CD96: variants seen among roughly 807,000 people sequenced by gnomAD.
CD96 encodes the protein T-cell surface protein tactile.
Under a neutral mutation model 71.3 loss-of-function variants are expected in CD96, and 70 were observed. The ratio of observed to expected loss-of-function variants is 0.98; its 90% CI spans 0.81 to 1.20. The LOEUF (loss-of-function observed/expected upper bound fraction) is 1.20. Among genes scored for constraint, CD96 ranks in the 50% most tolerant of loss-of-function variants. The pLI, the probability that CD96 is intolerant of heterozygous loss-of-function variation, is 0.00. For synonymous variants in CD96, 248 were observed against 233.0 expected (o/e 1.06, Z -0.59); for missense variants, 742 against 677.5 (o/e 1.10, Z -1.06).
intron 8 of CD96, among the ~76,000 whole-genome samples, chr3:111,610,680 C>T (rs1937877166): frequency 6.6e-6 from 1 of 152,132 alleles, no homozygotes; most frequent in Non-Finnish European, 1.5e-5. Flanking sequence ...ATTCTCAGCG[C>T]AGTTCAAGGA....
intron 5 of CD96, among the ~76,000 whole-genome samples, chr3:111,596,244 GA>G (rs1179763393): frequency 6.6e-6 from 1 of 151,692 alleles, no homozygotes; most frequent in African/African-American, 2.4e-5. Flanking sequence ...AAAATATGTA[GA>G]GGTTGACAGT....
chr3:111,584,723 G>A (rs551485199), intron 4 of CD96, among the ~76,000 whole-genome samples: 11 of 152,164 alleles, frequency 7.2e-5, no homozygotes, highest in Non-Finnish European at 1.5e-4. Flanking sequence ...ACCAGCCCCC[G>A]TGATTCAATT....
intron 2 of CD96, among the ~76,000 whole-genome samples, chr3:111,547,777 G>A (rs1381028188): frequency 1.3e-5 from 2 of 152,136 alleles, no homozygotes; most frequent in Non-Finnish European, 1.5e-5. Flanking sequence ...CAGATGAAAA[G>A]CAATGGCCTC....
At chr3:111,618,221 C>T (rs759188620) in intron 8 of CD96, among the ~76,000 whole-genome samples, 8 of 152,180 alleles carry the variant, frequency 5.3e-5, no homozygotes, top group Non-Finnish European at 8.8e-5. Flanking sequence ...GCCTGCCAAA[C>T]CAAGTGGGTG....
At chr3:111,657,511 G>A (rs898315023) in intron 14 of CD96, among the ~76,000 whole-genome samples, 1 of 151,124 alleles carries the variant, frequency 6.6e-6, no homozygotes, top group African/African-American at 2.4e-5. Flanking sequence ...GGTGGGGGTG[G>A]TGGGAACAAG....
intron 8 of CD96, 26 bp downstream of exon 8, chr3:111,606,818 T>C (rs372188715): frequency 1.6e-6 from 2 of 1,239,924 alleles, no homozygotes; most frequent in Non-Finnish European, 2.4e-6. Context: ...CACTGAGCTA[T>C]TGATTTAACC....
Position 111,648,341 on chromosome 3 carries a change from T to A in CD96, c.1601+675T>A, listed in dbSNP as rs190113568. On this transcript the variant is annotated intron_variant, in intron 13 of 13. Transcript: ENST00000352690. ...ACTGATCTTCCACTTGTCTTACTAC[T>A]ACTCTAAGATAACATTAACCATTGT... is the stretch of plus-strand genomic sequence containing the variant. Among the ~76,000 whole-genome samples the A allele has an allele frequency of 2.0e-5, 3 of 152,340 alleles. No individual in the cohort carries two copies. The East Asian group carries it at 5.8e-4, about 29-fold the overall frequency.
At chr3:111,638,014 T>A in intron 11 of CD96, 65 bp from the exon 12 acceptor site, 1 of 878,188 alleles carries the variant, frequency 1.1e-6, no homozygotes, top group Non-Finnish European at 2.0e-6. Context: ...TGAAACCCAA[T>A]CATGGTTTTA....
chr3:111,562,133 A>T (rs187079207), intron 2 of CD96, among the ~76,000 whole-genome samples: 1 of 152,290 alleles, frequency 6.6e-6, no homozygotes, highest in Non-Finnish European at 1.5e-5. Flanking sequence ...AGATGAACCC[A>T]GTACCTCAGA....
At position 111,603,312 on chromosome 3, in the gene CD96, C is replaced by T. The variant is rs1345039772; in HGVS notation, c.1087+2398C>T. On this transcript the variant is annotated intron_variant, in intron 7 of 13. Coordinates refer to ENST00000352690, the MANE Select transcript of CD96 (RefSeq NM_005816.5). ...TCAAAAAATCAGCCGGGCATGGTGGCGCACATCATTAGTCCCTGTTACCTC... is the reference window on the plus strand; with the variant it reads ...TCAAAAAATCAGCCGGGCATGGTGGTGCACATCATTAGTCCCTGTTACCTC... 3.9e-5 allele frequency among the ~76,000 whole-genome samples: 6 copies of T among 151,936 alleles called. No individual in the cohort carries two copies. In the East Asian group the frequency reaches 5.8e-4, roughly 15 times the overall value.
chr3:111,574,054 T>G (rs933543741), intron 3 of CD96, among the ~76,000 whole-genome samples: 1 of 152,048 alleles, frequency 6.6e-6, no homozygotes, highest in Non-Finnish European at 1.5e-5. Context: ...ATGGAGGAAA[T>G]GTGAAGATAA....
At chr3:111,646,866 C>T (rs1037350452) in intron 12 of CD96, among the ~76,000 whole-genome samples, 3 of 151,908 alleles carry the variant, frequency 2.0e-5, no homozygotes, top group South Asian at 4.2e-4. Context: ...ACATATACAC[C>T]ATGGAATACT....
At chr3:111,647,088 T>C (rs1461984542) in intron 12 of CD96, among the ~76,000 whole-genome samples, 1 of 98,942 alleles carries the variant, frequency 1.0e-5, no homozygotes, top group African/African-American at 3.6e-5. Flanking sequence ...GGGTAAAGAT[T>C]AAAAAAAAAA....
At chr3:111,663,265 C>T (rs935959820) in intron 14 of CD96, among the ~76,000 whole-genome samples, 13 of 152,136 alleles carry the variant, frequency 8.5e-5, no homozygotes, top group East Asian at 3.9e-4. Flanking sequence ...TCTGCCCCCA[C>T]GATTCAAGCA....
chr3:111,567,391 CCTCT>C, intron 2 of CD96, 128 bp from the exon 3 acceptor site: 1 of 705,350 alleles, frequency 1.4e-6, no homozygotes, highest in East Asian at 2.7e-5. Context: ...TGGGAGTTTG[CCTCT>C]CTTTTTCATA....
chr3:111,555,771 G>C (rs1934977948), intron 2 of CD96, among the ~76,000 whole-genome samples: 1 of 152,286 alleles, frequency 6.6e-6, no homozygotes, highest in Non-Finnish European at 1.5e-5. Flanking sequence ...AAAGTTCTTG[G>C]ATGTGTAGAT....
chr3:111,605,582 C>A (rs116689764), intron 7 of CD96, among the ~76,000 whole-genome samples: 3,398 of 152,250 alleles, frequency 0.022, 76 homozygotes, highest in Middle Eastern at 0.061. Flanking sequence ...ATATACTTCC[C>A]ATATAACCGT....
rs1281687378 is a variant in CD96, at chr3:111,623,674, C to T, written c.1181-80C>T. 4.7e-6 allele frequency: 4 copies of T among 859,316 alleles called. No individual in the cohort carries two copies. The East Asian group carries it at 1.0e-4, about 22-fold the overall frequency. 53.2% of individuals were successfully genotyped at this position (859,316 alleles called of 1,614,324 possible). A position where few individuals can be genotyped will look rare whatever the true frequency, so the allele number is the denominator to read the frequency against. On this transcript the variant is annotated intron_variant, in intron 8 of 13. Transcript: ENST00000352690. ...TTCTTTCCAACTCTAATATTCCAGGCTCTTGTTAAATGTAGTGGCACAGTT... is the reference window on the plus strand; with the variant it reads ...TTCTTTCCAACTCTAATATTCCAGGTTCTTGTTAAATGTAGTGGCACAGTT...
rs1936351238 is a variant in CD96 at position 111,579,114 on chromosome 3, A to G, written c.631A>G (p.Thr211Ala). Residue 211 changes from threonine (T) to alanine (A), a missense_variant, in exon 4 of 14, where the codon ACA (threonine) becomes GCA (alanine). By Grantham distance (58) the Thr-to-Ala change is moderately conservative (BLOSUM62 0). Transcript: ENST00000352690. ...TLLKDRVKLG[T>A]DYRLHLSPVQ... ...ACTTAAAGATAGAGTCAAGCTTGGT[A>G]CAGACTACAGACTCCACCTCTCTCC... 6.3e-7 allele frequency: 1 copy of G among 1,592,986 alleles called. No homozygotes were observed. Among genetic ancestry groups the G allele is most frequent in the South Asian group, 1.1e-5 (1 of 90,630 alleles).
Sources: allele counts gnomAD v4.1 joint callset (sites outside exome capture counted in the v4.1 genomes callset), GRCh38; gene constraint gnomAD v4.1.1; transcripts MANE v1.5; gene names NCBI Gene and HGNC (gene_info 2026-07-23, HGNC 2026-07-21).